Variants in RANBP2 observed in about 807,000 individuals in gnomAD.
RANBP2 encodes RAN binding protein 2, also known as E3 SUMO-protein ligase RanBP2.
A neutral mutation model predicts 303.6 loss-of-function variants in RANBP2; 57 were observed. The observed-to-expected ratio is 0.19, with a 90% CI of 0.15 to 0.23. RANBP2 has a LOEUF of 0.23. Among genes scored for constraint, RANBP2 ranks in the 10% least tolerant of loss-of-function variants. The probability of loss-of-function intolerance (pLI) is 1.00; values close to 1 mark genes in which losing one functional copy is unlikely to be tolerated. For synonymous variants in RANBP2, 1,167 were observed against 1,301.5 expected, an observed-to-expected ratio of 0.90 and a Z score of 2.23; for missense variants, 3,138 against 3,780.8, an observed-to-expected ratio of 0.83 and a Z score of 4.46.
chr2:109,091,943 T>C, the RANBP2 span, among the ~76,000 whole-genome samples: 46 of 152,048 alleles, frequency 3.0e-4, no homozygotes, highest in African/African-American at 1.1e-3. Context: ...TGGGGAGGTC[T>C]CAGTTGGCTC....
chr2:109,287,913 C>A, the RANBP2 span, among the ~76,000 whole-genome samples: 3 of 152,244 alleles, frequency 2.0e-5, no homozygotes, highest in Non-Finnish European at 2.9e-5. Flanking sequence ...AAGTGTGCCA[C>A]CTCTCTACAT....
chr2:108,910,627 G>A, the RANBP2 span: 6 of 1,408,070 alleles, frequency 4.3e-6, no homozygotes, highest in South Asian at 5.9e-5. Context: ...GGGCAGAGCT[G>A]CCCGGTGTCT....
chr2:109,658,308 A>G, the RANBP2 span, among the ~76,000 whole-genome samples: 2 of 144,768 alleles, frequency 1.4e-5, no homozygotes, highest in South Asian at 2.2e-4. Context: ...TTAGCCAGGC[A>G]TGGTGGCAGG....
chr2:109,530,176 G>A, the RANBP2 span, among the ~76,000 whole-genome samples: 179 of 152,292 alleles, frequency 1.2e-3, no homozygotes, highest in Non-Finnish European at 1.7e-3. Context: ...CCCTCAGAGT[G>A]GCCAGAACTC....
chr2:109,395,696 C>T, the RANBP2 span, among the ~76,000 whole-genome samples: 14 of 152,226 alleles, frequency 9.2e-5, no homozygotes, highest in Non-Finnish European at 1.3e-4. Context: ...CTCGGGGACA[C>T]GTGCTGGTGG....
the RANBP2 span, among the ~76,000 whole-genome samples, chr2:109,285,894 CCTT>C: frequency 6.6e-6 from 1 of 152,338 alleles, no homozygotes; most frequent in South Asian, 2.1e-4. Flanking sequence ...CAGCGTGCCT[CCTT>C]CTACTGCATT....
the RANBP2 span, among the ~76,000 whole-genome samples, chr2:108,793,194 A>G: frequency 2.5e-5 from 2 of 79,992 alleles, no homozygotes; most frequent in Non-Finnish European, 5.2e-5. Context: ...TGTCTCTACT[A>G]AAAAAAAAAA....
chr2:109,419,143 G>T, the RANBP2 span, among the ~76,000 whole-genome samples: 1 of 152,110 alleles, frequency 6.6e-6, no homozygotes, highest in Non-Finnish European at 1.5e-5. Flanking sequence ...CAGTTCCTGG[G>T]GACGCTCTTT....
the RANBP2 span, among the ~76,000 whole-genome samples, chr2:109,393,825 T>C: frequency 6.6e-6 from 1 of 152,044 alleles, no homozygotes; most frequent in African/African-American, 2.4e-5. Context: ...TGCTCTTCTT[T>C]TCATGTTACA....
the RANBP2 span, chr2:108,897,036 G>A: frequency 6.2e-7 from 1 of 1,614,148 alleles, no homozygotes; most frequent in Non-Finnish European, 8.5e-7. Flanking sequence ...CAGGGATGCT[G>A]TAGCCTGCCG....
the RANBP2 span, among the ~76,000 whole-genome samples, chr2:109,267,112 G>A: frequency 6.6e-6 from 1 of 152,116 alleles, no homozygotes; most frequent in Non-Finnish European, 1.5e-5. Flanking sequence ...GATGGGTATC[G>A]CTCAGTAATC....
chr2:109,691,809 G>T, the RANBP2 span, among the ~76,000 whole-genome samples: 16 of 151,534 alleles, frequency 1.1e-4, no homozygotes, highest in Non-Finnish European at 2.2e-4. Context: ...TTGAGGCAGA[G>T]TCTTGCTCTG....
At chr2:109,459,235 C>G in the RANBP2 span, among the ~76,000 whole-genome samples, 3 of 152,140 alleles carry the variant, frequency 2.0e-5, no homozygotes, top group Non-Finnish European at 4.4e-5. Flanking sequence ...GCTTAATATA[C>G]ACATTCACAC....
At chr2:109,222,053 G>A in the RANBP2 span, among the ~76,000 whole-genome samples, 2 of 152,046 alleles carry the variant, frequency 1.3e-5, no homozygotes, top group South Asian at 2.1e-4. Context: ...CAGCAACATG[G>A]ATGAAACTGC....
chr2:108,984,285 T>C, the RANBP2 span, among the ~76,000 whole-genome samples: 13 of 152,206 alleles, frequency 8.5e-5, no homozygotes, highest in East Asian at 2.1e-3. Context: ...TAGAAGCAAA[T>C]TACAGCAACC....
At chr2:109,082,838 T>C in the RANBP2 span, among the ~76,000 whole-genome samples, 1 of 150,210 alleles carries the variant, frequency 6.7e-6, no homozygotes, top group Non-Finnish European at 1.5e-5. Context: ...TTTTTTTTTT[T>C]TTTTTGAGAC....
At chr2:109,565,818 T>C in the RANBP2 span, 1 of 1,614,158 alleles carries the variant, frequency 6.2e-7, no homozygotes, top group Non-Finnish European at 8.5e-7. Flanking sequence ...TTCCGACTTT[T>C]ACCTCATCCA....
At chr2:109,103,679 TG>T in the RANBP2 span, among the ~76,000 whole-genome samples, 1 of 152,184 alleles carries the variant, frequency 6.6e-6, no homozygotes, top group Middle Eastern at 3.2e-3. Flanking sequence ...AAATAGCAAA[TG>T]TTTCCTGTTC....
chr2:109,684,281 G>A, the RANBP2 span, among the ~76,000 whole-genome samples: 10 of 81,932 alleles, frequency 1.2e-4, no homozygotes, highest in Admixed American at 3.7e-4. Context: ...TCCCTCTGTC[G>A]CCCAGGCTGG....
Sources: gnomAD v4.1 joint callset for allele counts (sites outside exome capture counted in the v4.1 genomes callset) on GRCh38, gnomAD v4.1.1 for gene constraint, MANE v1.5 for transcripts, NCBI Gene and HGNC (gene_info 2026-07-23, HGNC 2026-07-21) for gene names.